Variants in BRINP3 observed in about 807,000 individuals in gnomAD.
The protein encoded by BRINP3 is BMP/retinoic acid-inducible neural-specific protein 3.
BRINP3 carries 19 observed loss-of-function variants against 71.0 expected under a neutral mutation model. That is an observed-to-expected ratio of 0.27 (90% CI 0.19 to 0.39). The LOEUF is 0.39. Among genes scored for constraint, BRINP3 ranks in the 10% least tolerant of loss-of-function variants. BRINP3 has a pLI of 1.00. For missense variants in BRINP3, 959 were observed against 940.8 expected (o/e 1.02, Z -0.25); for synonymous variants, 380 against 337.7 (o/e 1.13, Z -1.37).
At chr1:190,124,023 T>C (rs543457564) in intron 7 of BRINP3, among the ~76,000 whole-genome samples, 1 of 152,180 alleles carries the variant, frequency 6.6e-6, no homozygotes, top group African/African-American at 2.4e-5. Flanking sequence ...TCTATACTTA[T>C]ATATGGCATA....
rs556469005 is a variant in BRINP3, at chr1:190,312,027, G to A, written c.237-30277C>T. On this transcript the variant is annotated intron_variant, in intron 2 of 7. Coordinates refer to ENST00000367462, the MANE Select transcript of BRINP3 (RefSeq NM_199051.3). Reference sequence around the variant, plus strand: ...AAAATATAAAAAATACATGATATTTGAAAAGTCAAATATATATATATATAT... The same window carrying A: ...AAAATATAAAAAATACATGATATTTAAAAAGTCAAATATATATATATATAT... 4.4e-4 allele frequency among the ~76,000 whole-genome samples: 33 copies of A among 75,206 alleles called. No homozygotes were observed. The East Asian group carries it at 9.1e-3, about 21-fold the overall frequency. The allele number at this position is 75,206 out of a possible 152,430, so 49.3% of individuals were successfully genotyped here. A position where few individuals can be genotyped will look rare whatever the true frequency, so the allele number is the denominator to read the frequency against.
intron 3 of BRINP3, among the ~76,000 whole-genome samples, chr1:190,274,664 G>T (rs1269773034): frequency 1.3e-5 from 2 of 151,438 alleles, no homozygotes; most frequent in African/African-American, 4.8e-5. Context: ...TGTTATTGCT[G>T]CCCTTTTGAA....
At chr1:190,477,216 A>G (rs1049107547) in intron 1 of BRINP3, among the ~76,000 whole-genome samples, 5 of 152,174 alleles carry the variant, frequency 3.3e-5, no homozygotes, top group Non-Finnish European at 5.9e-5. Flanking sequence ...TTTTAAAAAT[A>G]AAGAAGGTAA....
intron 2 of BRINP3, among the ~76,000 whole-genome samples, chr1:190,383,183 C>A (rs1670661207): frequency 6.6e-6 from 1 of 151,932 alleles, no homozygotes; most frequent in African/African-American, 2.4e-5. Context: ...AGTAATGCCT[C>A]TTGTTTTTAA....
At chr1:190,205,538 T>G (rs892804012) in intron 6 of BRINP3, among the ~76,000 whole-genome samples, 7 of 152,096 alleles carry the variant, frequency 4.6e-5, no homozygotes, top group African/African-American at 1.7e-4. Context: ...GAGTAAATTC[T>G]GTCCATTAAG....
At chr1:190,459,247 A>G (rs1217437616) in intron 1 of BRINP3, among the ~76,000 whole-genome samples, 3 of 151,666 alleles carry the variant, frequency 2.0e-5, no homozygotes, top group Non-Finnish European at 4.4e-5. Context: ...AATATGTTAC[A>G]TATATACTAA....
chr1:190,166,749 G>A (rs1651576671), intron 6 of BRINP3, among the ~76,000 whole-genome samples: 1 of 151,792 alleles, frequency 6.6e-6, no homozygotes, highest in African/African-American at 2.4e-5. Flanking sequence ...TTTAAGATGG[G>A]GTCTCACTCT....
intron 2 of BRINP3, among the ~76,000 whole-genome samples, chr1:190,421,142 A>C (rs1342246571): frequency 6.6e-6 from 1 of 151,630 alleles, no homozygotes; most frequent in Non-Finnish European, 1.5e-5. Context: ...TAATCCAATA[A>C]ATTGCTAATC....
At chr1:190,414,520 A>G (rs1396988555) in intron 2 of BRINP3, among the ~76,000 whole-genome samples, 1 of 152,166 alleles carries the variant, frequency 6.6e-6, no homozygotes, top group Non-Finnish European at 1.5e-5. Context: ...CTGTCTTTGT[A>G]TTCTGCCATT....
intron 2 of BRINP3, among the ~76,000 whole-genome samples, chr1:190,300,004 T>A (rs929287135): frequency 6.6e-6 from 1 of 152,124 alleles, no homozygotes; most frequent in Non-Finnish European, 1.5e-5. Context: ...ATTTCAACTT[T>A]GGTGAATCTG....
intron 3 of BRINP3, among the ~76,000 whole-genome samples, chr1:190,277,111 A>ATATATATATATATATATATATATATATT (rs1558137294): frequency 8.1e-6 from 1 of 123,914 alleles, no homozygotes; most frequent in Non-Finnish European, 1.7e-5. Context: ...ATATATATAT[A>ATATATATATATATATATATATATATATT]TATATATTTA....
intron 3 of BRINP3, among the ~76,000 whole-genome samples, chr1:190,271,391 G>C (rs1337830790): frequency 6.6e-6 from 1 of 151,534 alleles, no homozygotes; most frequent in Non-Finnish European, 1.5e-5. Context: ...TTCTCAAAGA[G>C]CAGTTGTAAG....
In BRINP3 at chr1:190,219,915, C is replaced by T. The variant is rs535082544; in HGVS notation, c.961+6167G>A. 1.2e-4 allele frequency among the ~76,000 whole-genome samples: 18 copies of T among 150,848 alleles called. No homozygotes were observed. In the South Asian group the frequency reaches 3.8e-3, roughly 32 times the overall value. ...AGTCAGAGGGAAACAAACAAGCAAA[C>T]AAATGAAAAACATGAAAAGGAACAA... is the stretch of plus-strand genomic sequence containing the variant. On this transcript the variant is annotated intron_variant, in intron 6 of 7. Transcript: ENST00000367462.
intron 2 of BRINP3, among the ~76,000 whole-genome samples, chr1:190,392,483 G>C (rs746858545): frequency 1.3e-5 from 2 of 151,622 alleles, no homozygotes; most frequent in African/African-American, 2.4e-5. Context: ...AGTGCAACTG[G>C]AAATCTCAAA....
In BRINP3 at chr1:190,293,490, C is replaced by G. The variant is rs190858106; in HGVS notation, c.237-11740G>C. Among the ~76,000 whole-genome samples, 9 of 150,604 alleles carry G rather than the reference C, an allele frequency of 6.0e-5. No homozygotes were observed. The East Asian group carries it at 1.7e-3, about 29-fold the overall frequency. On this transcript the variant is annotated intron_variant, in intron 2 of 7. Coordinates refer to ENST00000367462, the MANE Select transcript of BRINP3 (RefSeq NM_199051.3). ...TGTGTTGATGAGAAGATTGTTTATT[C>G]TGCAGCAGTTTGAGTGAAATGTTCT...
intron 7 of BRINP3, among the ~76,000 whole-genome samples, chr1:190,129,191 A>G (rs914367720): frequency 1.3e-5 from 2 of 151,856 alleles, no homozygotes; most frequent in African/African-American, 4.8e-5. Context: ...AAGATTAGGG[A>G]CATCAGAGTG....
intron 2 of BRINP3, among the ~76,000 whole-genome samples, chr1:190,453,146 C>A (rs1675732580): frequency 6.9e-6 from 1 of 144,966 alleles, no homozygotes; most frequent in African/African-American, 2.5e-5. Flanking sequence ...AATAAATGAA[C>A]CCAGAATCAT....
At chr1:190,392,049 T>C (rs980830892) in intron 2 of BRINP3, among the ~76,000 whole-genome samples, 1 of 60,012 alleles carries the variant, frequency 1.7e-5, no homozygotes, top group East Asian at 6.3e-4. Context: ...AACAAGGGTT[T>C]AGCTTGGCCA....
chr1:190,265,539 A>AATATATATATATAT (rs36099005), intron 3 of BRINP3, among the ~76,000 whole-genome samples: 6 of 139,238 alleles, frequency 4.3e-5, no homozygotes, highest in African/African-American at 1.1e-4. Flanking sequence ...GTCTCTACTA[A>AATATATATATATAT]ATATATATAT....
Sources: allele counts gnomAD v4.1 joint callset (sites outside exome capture counted in the v4.1 genomes callset), GRCh38; gene constraint gnomAD v4.1.1; transcripts MANE v1.5; gene names NCBI Gene and HGNC (gene_info 2026-07-23, HGNC 2026-07-21).